The following MGAT4C variants were observed in gnomAD, a reference collection of about 807,000 sequenced individuals.
The protein encoded by MGAT4C is alpha-1,3-mannosyl-glycoprotein 4-beta-N-acetylglucosaminyltransferase C.
MGAT4C carries 19 observed loss-of-function variants against 40.1 expected under a neutral mutation model. The observed-to-expected ratio is 0.47, with a 90% CI of 0.33 to 0.70. The LOEUF (loss-of-function observed/expected upper bound fraction) is 0.70, where lower values mean the gene tolerates loss of function less well. Among genes scored for constraint, MGAT4C ranks in the 30% least tolerant of loss-of-function variants. MGAT4C has a pLI of 0.02. For missense variants in MGAT4C, 491 were observed against 563.2 expected, an observed-to-expected ratio of 0.87 and a Z score of 1.30; for synonymous variants, 181 against 187.1, an observed-to-expected ratio of 0.97 and a Z score of 0.27.
chr12:85,983,565 C>T lies in MGAT4C; in HGVS notation c.253G>A (p.Val85Ile). 1 of 1,597,712 alleles carries T rather than the reference C, an allele frequency of 6.3e-7. No individual in the cohort carries two copies. Among genetic ancestry groups the T allele is most frequent in the East Asian group, 2.3e-5 (1 of 43,832 alleles). Residue 85 changes from valine to isoleucine, a missense_variant, in exon 4 of 5, where the codon GTC becomes ATC. Physicochemically the swap from Val to Ile is conservative, Grantham distance 29. Coordinates refer to ENST00000611864, the MANE Select transcript of MGAT4C (RefSeq NM_001351288.2). The stretch of plus-strand genomic sequence containing the variant: ...GTGGCAGCTAGGTAGCGATAGGTGA[C>T]ATTTATGGCTCCTGAGAAATTAGAT... ...DLSNFSGAIN[V>I]TYRYLAATPL...
Position 86,394,639 on chromosome 12 carries a change from CT to C in MGAT4C, c.-120+40517del, listed in dbSNP as rs535415248. On this transcript the variant is annotated intron_variant, in intron 3 of 7. Transcript: ENST00000548651. ...CTTTATATATATATATATATATGTA[CT>C]TTTTTTTTTTTGAGACAGAGTCTCT... is the stretch of plus-strand genomic sequence containing the variant. 9.4e-3 allele frequency among the ~76,000 whole-genome samples: 843 copies of C among 89,744 alleles called. 1 individual carries two copies. Among genetic ancestry groups the C allele is most frequent in the African/African-American group, 0.018 (498 of 27,608 alleles). 58.9% of individuals were successfully genotyped at this position (89,744 alleles called of 152,430 possible).
chr12:86,382,710 A>C (rs1369402434), intron 3 of MGAT4C, among the ~76,000 whole-genome samples: 1 of 152,194 alleles, frequency 6.6e-6, no homozygotes, highest in East Asian at 1.9e-4. Context: ...GGTGCCCTGC[A>C]TCCTAGCTGC....
At chr12:86,006,415 C>T (rs1887883017) in intron 2 of MGAT4C, among the ~76,000 whole-genome samples, 1 of 152,128 alleles carries the variant, frequency 6.6e-6, no homozygotes, top group Non-Finnish European at 1.5e-5. Flanking sequence ...ATATATTATA[C>T]TACCATATCC....
chr12:86,355,065 T>C lies in MGAT4C; in HGVS notation c.-119-20938A>G, dbSNP rs1955277814. On this transcript the variant is annotated intron_variant, in intron 3 of 7. Transcript: ENST00000548651. ...CTGATTGGTCCATTTTAGAAACGTC[T>C]AGCTAGCTACAGAGTGCTGATTGGT... Among the ~76,000 whole-genome samples the C allele has an allele frequency of 2.0e-5, 3 of 152,308 alleles. No homozygotes were observed. In the South Asian group the frequency reaches 6.2e-4, roughly 32 times the overall value.
chr12:86,034,891 C>T (rs1891087396), intron 2 of MGAT4C, among the ~76,000 whole-genome samples: 2 of 149,830 alleles, frequency 1.3e-5, no homozygotes, highest in Non-Finnish European at 3.0e-5. Context: ...CATCCATGTA[C>T]CTGCAAAGAA....
chr12:86,678,744 AC>A (rs1171970311), intron 2 of MGAT4C, among the ~76,000 whole-genome samples: 1 of 151,976 alleles, frequency 6.6e-6, no homozygotes, highest in Non-Finnish European at 1.5e-5. Context: ...CCATGTCCCT[AC>A]AAAGGATGTG....
At chr12:86,658,912 T>C (rs2136545167) in intron 2 of MGAT4C, among the ~76,000 whole-genome samples, 1 of 152,198 alleles carries the variant, frequency 6.6e-6, no homozygotes, top group Admixed American at 6.6e-5. Context: ...ACATCTTCCC[T>C]CTGCCAGGAT....
intron 2 of MGAT4C, among the ~76,000 whole-genome samples, chr12:86,709,283 G>A (rs1195909640): frequency 1.3e-5 from 2 of 152,130 alleles, no homozygotes; most frequent in East Asian, 1.9e-4. Context: ...CACCATGATT[G>A]TCAGGCTTCC....
At chr12:86,486,376 GCACACA>G (rs59222713) in intron 2 of MGAT4C, among the ~76,000 whole-genome samples, 6,869 of 140,022 alleles carry the variant, frequency 0.049, 340 homozygotes, top group African/African-American at 0.13. Flanking sequence ...GATCTATCAT[GCACACA>G]CACACACACA....
intron 1 of MGAT4C, among the ~76,000 whole-genome samples, chr12:86,158,355 AT>A (rs1885211898): frequency 6.6e-6 from 1 of 152,184 alleles, no homozygotes; most frequent in South Asian, 2.1e-4. Flanking sequence ...TTTACTAATT[AT>A]TTTTTAACCA....
intron 2 of MGAT4C, among the ~76,000 whole-genome samples, chr12:86,528,836 C>T (rs1958928838): frequency 1.3e-5 from 2 of 151,928 alleles, no homozygotes; most frequent in South Asian, 4.1e-4. Context: ...CAGCTTTTGA[C>T]AGTTGATAAT....
intron 1 of MGAT4C, among the ~76,000 whole-genome samples, chr12:86,055,069 CAG>C (rs1893257035): frequency 6.6e-6 from 1 of 151,882 alleles, no homozygotes; most frequent in Non-Finnish European, 1.5e-5. Flanking sequence ...ATTGTATCCC[CAG>C]AGTCTTGCAC....
At chr12:86,013,642 C>G (rs1888745011) in intron 2 of MGAT4C, 1 of 667,950 alleles carries the variant, frequency 1.5e-6, no homozygotes, top group South Asian at 6.8e-5. Context: ...AATCTGTGAA[C>G]GTGTACTATT....
chr12:86,741,049 T>A (rs367570018), intron 1 of MGAT4C, among the ~76,000 whole-genome samples: 1 of 151,066 alleles, frequency 6.6e-6, no homozygotes, highest in Non-Finnish European at 1.5e-5. Flanking sequence ...CTCATCATTA[T>A]GTTCATGTGT....
rs945218529 is a variant in MGAT4C at position 86,209,330 on chromosome 12, A to G, written c.-57+46909T>C. On this transcript the variant is annotated intron_variant, in intron 1 of 4. Coordinates refer to ENST00000611864, the MANE Select transcript of MGAT4C (RefSeq NM_001351288.2). ...TGAAAAAAAATCTCTAAAATAAAAC[A>G]AAGATAATTCTATTTTTTGAGTTCT... Among the ~76,000 whole-genome samples, 6 of 152,132 alleles carry G rather than the reference A, an allele frequency of 3.9e-5. No homozygotes were observed. In the East Asian group the frequency reaches 5.8e-4, roughly 15 times the overall value.
At chr12:86,153,327 A>G (rs919335202) in intron 1 of MGAT4C, among the ~76,000 whole-genome samples, 3 of 152,246 alleles carry the variant, frequency 2.0e-5, no homozygotes, top group Non-Finnish European at 4.4e-5. Flanking sequence ...TACACAACAA[A>G]GTAAAATATT....
At chr12:86,263,212 G>A (rs1952698028) in intron 4 of MGAT4C, among the ~76,000 whole-genome samples, 1 of 152,082 alleles carries the variant, frequency 6.6e-6, no homozygotes, top group Non-Finnish European at 1.5e-5. Flanking sequence ...CGGGATACAA[G>A]TGCAGTTTTG....
chr12:86,451,513 G>T (rs1393590514), intron 2 of MGAT4C, among the ~76,000 whole-genome samples: 2 of 152,010 alleles, frequency 1.3e-5, no homozygotes, highest in Non-Finnish European at 2.9e-5. Flanking sequence ...ATTTTCAACA[G>T]GTTTACTATA....
At chr12:86,779,160 T>TTA (rs2136179938) in intron 1 of MGAT4C, among the ~76,000 whole-genome samples, 1 of 152,240 alleles carries the variant, frequency 6.6e-6, no homozygotes, top group South Asian at 2.1e-4. Context: ...GACTCTTCCC[T>TTA]TACATCATTC....
Sources: gnomAD v4.1 joint callset for allele counts (sites outside exome capture counted in the v4.1 genomes callset) on GRCh38, gnomAD v4.1.1 for gene constraint, MANE v1.5 for transcripts, NCBI Gene and HGNC (gene_info 2026-07-23, HGNC 2026-07-21) for gene names.